The following PPP1R15B variants were observed in gnomAD, a reference collection of about 807,000 sequenced individuals.
PPP1R15B encodes the protein protein phosphatase 1 regulatory subunit 15B, also known as protein phosphatase 1, regulatory (inhibitor) subunit 15B.
In PPP1R15B, 31 loss-of-function variants were observed where a neutral mutation model predicts 53.9. The ratio of observed to expected loss-of-function variants is 0.58; its 90% CI spans 0.43 to 0.78. The LOEUF is 0.78. Ranked by LOEUF, PPP1R15B falls within the 30% of genes least tolerant of loss-of-function variation. PPP1R15B has a pLI of 0.00. For missense variants in PPP1R15B, 928 were observed against 849.6 expected, an observed-to-expected ratio of 1.09 and a Z score of -1.15; for synonymous variants, 345 against 329.1, an observed-to-expected ratio of 1.05 and a Z score of -0.52.
At chr1:204,400,154 C>G (rs989716233), downstream of PPP1R15B, among the ~76,000 whole-genome samples, 1 of 150,160 alleles carries the variant, frequency 6.7e-6, no homozygotes, top group Non-Finnish European at 1.5e-5. Flanking sequence ...GGAGGATTGC[C>G]TAAGCCTGGG....
rs1024401100 is a variant in PPP1R15B, at chr1:204,409,556, C to A, written c.1856G>T (p.Cys619Phe). 1.2e-6 allele frequency: 2 copies of A among 1,614,152 alleles called. No individual in the cohort carries two copies. Among genetic ancestry groups the A allele is most frequent in the Non-Finnish European group, 1.7e-6 (2 of 1,180,010 alleles). ...VQLLGSQESE[C>F]PDSVQRDVLS... ...AACGTCACGCTGTACCGAGTCTGGA[C>A]ATTCACTTTCTTGGCTCCCCAACAG... Residue 619 changes from cysteine to phenylalanine, a missense_variant, in exon 1 of 2, where the codon TGT becomes TTT. Transcript: ENST00000367188.
chr1:204,398,013 AG>A (rs745397603), downstream of PPP1R15B, among the ~76,000 whole-genome samples: 1 of 152,190 alleles, frequency 6.6e-6, no homozygotes, highest in Non-Finnish European at 1.5e-5. Context: ...TTATGTCGGG[AG>A]GGAGCCTGTG....
At chr1:204,399,420 T>A (rs867745270), downstream of PPP1R15B, among the ~76,000 whole-genome samples, 29 of 152,106 alleles carry the variant, frequency 1.9e-4, no homozygotes, top group Middle Eastern at 3.4e-3. Flanking sequence ...GTTAGCTGGG[T>A]GTGATGGCAT....
Position 204,411,123 on chromosome 1 carries a change from G to A in PPP1R15B, c.289C>T (p.Leu97=). ...LFGGMFPTRW[L]DFAGVYSALR... is the part of the protein sequence containing the mutation. ...GCGCTGTAGACTCCAGCAAAATCTA[G>A]CCATCTGGTCGGAAACATTCCACCG... The change falls in exon 1 of 2, where the codon CTA becomes TTA. Residue 97 remains leucine, a synonymous_variant. Transcript: ENST00000367188. 6.2e-7 allele frequency: 1 copy of A among 1,614,214 alleles called. No homozygotes were observed.
At chr1:204,409,467 G>T (rs538039410) in intron 1 of PPP1R15B, 25 bp downstream of exon 1, 3 of 1,587,210 alleles carry the variant, frequency 1.9e-6, no homozygotes, top group African/African-American at 1.3e-5. Context: ...AACATATCAG[G>T]CATGTTAAAA....
At chr1:204,401,441 A>G (rs933890976), downstream of PPP1R15B, among the ~76,000 whole-genome samples, 1 of 151,944 alleles carries the variant, frequency 6.6e-6, no homozygotes. Context: ...TGTATCATTA[A>G]ATAACTCTCA....
rs1170033828 is a variant in PPP1R15B, at chr1:204,411,802, A to T, written c.-391T>A. ...CTGGGTAGGCCGGCTGGTGCGGTGG[A>T]AGCGAAGCCCAAAATGGCCGCAGGG... On this transcript the variant is annotated 5_prime_UTR_variant, in exon 1 of 2. Coordinates refer to ENST00000367188, the MANE Select transcript of PPP1R15B (RefSeq NM_032833.5). The T allele has an allele frequency of 4.7e-6, 1 of 213,518 alleles. No individual in the cohort carries two copies. Among genetic ancestry groups the T allele is most frequent in the East Asian group, 1.2e-4 (1 of 8,126 alleles). 13.2% of individuals were successfully genotyped at this position (213,518 alleles called of 1,614,324 possible). A position where few individuals can be genotyped will look rare whatever the true frequency, so the allele number is the denominator to read the frequency against.
downstream of PPP1R15B, among the ~76,000 whole-genome samples, chr1:204,402,622 A>C (rs1425526345): frequency 1.3e-5 from 2 of 151,458 alleles, no homozygotes; most frequent in Admixed American, 1.3e-4. Context: ...GTGTCTCACT[A>C]TGTTGCTCAG....
chr1:204,400,537 A>C (rs1674158898), downstream of PPP1R15B, among the ~76,000 whole-genome samples: 1 of 148,792 alleles, frequency 6.7e-6, no homozygotes, highest in Non-Finnish European at 1.5e-5. Context: ...TGTTGCCCAC[A>C]CTGGTCTTGA....
rs531899607 is a variant in PPP1R15B, at chr1:204,403,724, A to G, written c.*2368T>C. On this transcript the variant is annotated 3_prime_UTR_variant, in exon 2 of 2. Transcript: ENST00000367188. Reference sequence around the variant, plus strand: ...TATAAAATGTTTAATTAAAACCTCCAAAGATTTTCTCTTTAAGATTACGGG... The same window carrying G: ...TATAAAATGTTTAATTAAAACCTCCGAAGATTTTCTCTTTAAGATTACGGG... The G allele has an allele frequency of 2.0e-6, 2 of 985,078 alleles. No homozygotes were observed. The highest frequency in any genetic ancestry group is 2.3e-4 in the East Asian group (2 of 8,818). 61.0% of individuals were successfully genotyped at this position (985,078 alleles called of 1,614,324 possible).
Position 204,405,147 on chromosome 1 carries a change from G to A in PPP1R15B, c.*945C>T. On this transcript the variant is annotated 3_prime_UTR_variant, in exon 2 of 2. Coordinates refer to ENST00000367188, the MANE Select transcript of PPP1R15B (RefSeq NM_032833.5). The stretch of plus-strand genomic sequence containing the variant: ...TGATATTCATTAACACTGGTTTTCT[G>A]TTGAGAACATATACACCAAAACCAA... 3.0e-6 allele frequency: 3 copies of A among 985,746 alleles called. No homozygotes were observed. The South Asian group carries it at 1.4e-4, about 46-fold the overall frequency. The allele number at this position is 985,746 out of a possible 1,614,324, so 61.1% of individuals were successfully genotyped here. A position where few individuals can be genotyped will look rare whatever the true frequency, so the allele number is the denominator to read the frequency against.
At position 204,411,692 on chromosome 1, in the gene PPP1R15B, G is replaced by C. The variant is rs1674383934; in HGVS notation, c.-281C>G. Reference sequence around the variant, plus strand: ...GTCGGCTCGACGCTTCAACACCATGGATAGGAGTCCCCCCACGGCCTCGGC... The same window carrying C: ...GTCGGCTCGACGCTTCAACACCATGCATAGGAGTCCCCCCACGGCCTCGGC... On this transcript the variant is annotated 5_prime_UTR_variant, in exon 1 of 2. In the 5' UTR this introduces an upstream ATG that the reference lacks. Coordinates refer to ENST00000367188, the MANE Select transcript of PPP1R15B (RefSeq NM_032833.5). 1 of 531,038 alleles carries C rather than the reference G, an allele frequency of 1.9e-6. No homozygotes were observed. Among genetic ancestry groups the C allele is most frequent in the Admixed American group, 3.5e-5 (1 of 28,724 alleles). 32.9% of individuals were successfully genotyped at this position (531,038 alleles called of 1,614,324 possible).
downstream of PPP1R15B, among the ~76,000 whole-genome samples, chr1:204,401,636 A>G (rs1383288810): frequency 6.6e-6 from 1 of 152,246 alleles, no homozygotes; most frequent in Non-Finnish European, 1.5e-5. Flanking sequence ...GGTACAGAGA[A>G]TAGAGTCCAA....
downstream of PPP1R15B, chr1:204,400,901 A>G (rs1674169520): frequency 4.8e-6 from 1 of 208,574 alleles, no homozygotes; most frequent in Non-Finnish European, 8.4e-6. Flanking sequence ...ACAAAACCTG[A>G]AAAATTGTTC....
At position 204,411,552 on chromosome 1, in the gene PPP1R15B, A is replaced by C; in HGVS notation, c.-141T>G. 8.4e-7 allele frequency: 1 copy of C among 1,187,130 alleles called. No homozygotes were observed. The highest frequency in any genetic ancestry group is 1.5e-5 in the South Asian group (1 of 67,920). 73.5% of individuals were successfully genotyped at this position (1,187,130 alleles called of 1,614,324 possible). On this transcript the variant is annotated 5_prime_UTR_variant, in exon 1 of 2. Coordinates refer to ENST00000367188, the MANE Select transcript of PPP1R15B (RefSeq NM_032833.5). ...CCAGGCCGATCTTCGAGCCAGCAGAAAAGCCACAGAGGGCAGCGAATGCGG... is the reference window on the plus strand; with the variant it reads ...CCAGGCCGATCTTCGAGCCAGCAGACAAGCCACAGAGGGCAGCGAATGCGG...
intron 1 of PPP1R15B, among the ~76,000 whole-genome samples, chr1:204,407,112 G>C (rs968462097): frequency 6.6e-6 from 1 of 151,982 alleles, no homozygotes; most frequent in African/African-American, 2.4e-5. Flanking sequence ...CTGCATAAAG[G>C]CTTTAACAAT....
chr1:204,406,120 T>C lies in PPP1R15B; in HGVS notation c.2114A>G (p.Lys705Arg). The C allele has an allele frequency of 6.2e-7, 1 of 1,614,160 alleles. No homozygotes were observed. The highest frequency in any genetic ancestry group is 8.5e-7 in the Non-Finnish European group (1 of 1,180,016). The change falls in exon 2 of 2, where the codon AAA becomes AGA. Residue 705 changes from lysine (K) to arginine (R), a missense_variant. Coordinates refer to ENST00000367188, the MANE Select transcript of PPP1R15B (RefSeq NM_032833.5). The stretch of plus-strand genomic sequence containing the variant: ...ACATTGCTTGAGAACATTAAGTCCT[T>C]TGAAGCATGTTCCCTGGAGTCTATT... Reference protein sequence around the residue: ...MFNRLQGTCFKGLNVLKQC With the variant: ...MFNRLQGTCFRGLNVLKQC
chr1:204,398,544 C>G (rs1294550601), downstream of PPP1R15B, among the ~76,000 whole-genome samples: 2 of 152,134 alleles, frequency 1.3e-5, no homozygotes, highest in African/African-American at 2.4e-5. Context: ...AAGAAAGAGC[C>G]CCTACTTCTG....
At position 204,410,746 on chromosome 1, in the gene PPP1R15B, C is replaced by T; in HGVS notation, c.666G>A (p.Leu222=). Residue 222 remains leucine, a synonymous_variant, in exon 1 of 2, where the codon TTG becomes TTA. Coordinates refer to ENST00000367188, the MANE Select transcript of PPP1R15B (RefSeq NM_032833.5). ...AGCAGTCCAGGTAGGAAGGGTTCAG[C>T]AAATAGGATACCACACTGAAATTGT... ...RIDNFSVVSY[L]LNPSYLDCFP... The T allele has an allele frequency of 6.2e-7, 1 of 1,614,166 alleles. No homozygotes were observed. The highest frequency in any genetic ancestry group is 1.1e-5 in the South Asian group (1 of 91,080).
Sources: gnomAD v4.1 joint callset for allele counts (sites outside exome capture counted in the v4.1 genomes callset) on GRCh38, gnomAD v4.1.1 for gene constraint, MANE v1.5 for transcripts, NCBI Gene and HGNC (gene_info 2026-07-23, HGNC 2026-07-21) for gene names.